The following ZNF775 variants were observed in gnomAD, a reference collection of about 807,000 sequenced individuals.
ZNF775 encodes zinc finger protein 775.
A neutral mutation model predicts 2.4 loss-of-function variants in ZNF775; 1 was observed. The observed-to-expected ratio is 0.41, with a 90% CI of 0.15 to 1.94. ZNF775 has a LOEUF of 1.94. Among genes scored for constraint, ZNF775 ranks in the 30% most tolerant of loss-of-function variants. ZNF775 has a pLI of 0.30. For synonymous variants in ZNF775, 381 were observed against 373.3 expected (o/e 1.02, Z -0.24); for missense variants, 823 against 826.6 (o/e 1.00, Z 0.05).
intron 2 of ZNF775, among the ~76,000 whole-genome samples, chr7:150,395,518 A>G (rs1373996306): frequency 6.6e-6 from 1 of 152,238 alleles, no homozygotes; most frequent in Non-Finnish European, 1.5e-5. Flanking sequence ...AATGGAGAAC[A>G]TTGCCAGAAC....
intron 1 of ZNF775, among the ~76,000 whole-genome samples, chr7:150,387,978 G>A (rs1037919891): frequency 6.6e-6 from 1 of 152,174 alleles, no homozygotes; most frequent in Non-Finnish European, 1.5e-5. Flanking sequence ...CGGAGGAAAC[G>A]TGTAGGGCCA....
At position 150,396,700 on chromosome 7, in the gene ZNF775, G is replaced by C. The variant is rs1354911842; in HGVS notation, c.219G>C (p.Arg73Ser). The C allele has an allele frequency of 1.9e-6, 3 of 1,604,758 alleles. No homozygotes were observed. The South Asian group carries it at 3.3e-5, about 18-fold the overall frequency. The change falls in exon 3 of 3, where the codon AGG becomes AGC. Residue 73 changes from arginine (R) to serine (S), a missense_variant. Arg to Ser is a moderately radical substitution (Grantham distance 110). Transcript: ENST00000329630. Reference sequence around the variant, plus strand: ...GACAGGAGGAGTCTGGGAGTCCAAGGTGGGCCCCTCCCACTGAGCAGGATG... The same window carrying C: ...GACAGGAGGAGTCTGGGAGTCCAAGCTGGGCCCCTCCCACTGAGCAGGATG... Reference protein sequence around the residue: ...LGGQEESGSPRWAPPTEQDAG... With the variant: ...LGGQEESGSPSWAPPTEQDAG...
chr7:150,386,961 TAGAG>T (rs763674397), intron 1 of ZNF775, among the ~76,000 whole-genome samples: 1 of 151,954 alleles, frequency 6.6e-6, no homozygotes, highest in Non-Finnish European at 1.5e-5. Context: ...GCAAAAATGT[TAGAG>T]AGGAAACGGG....
Position 150,382,319 on chromosome 7 carries a change from G to A in ZNF775, c.-50+2927G>A, listed in dbSNP as rs1458006579. On this transcript the variant is annotated intron_variant, in intron 1 of 2. Transcript: ENST00000329630. The surrounding 1 kb of genome is among the most constrained non-coding windows in gnomAD (Gnocchi z 4.6). ...ATCCGGCTCAGGCTTGCCGCCCTGT[G>A]GTGCTCCTCCCAAACTCAGGGAGCA... is the stretch of plus-strand genomic sequence containing the variant. Among the ~76,000 whole-genome samples the A allele has an allele frequency of 6.6e-6, 1 of 152,158 alleles. No individual in the cohort carries two copies. Among genetic ancestry groups the A allele is most frequent in the Non-Finnish European group, 1.5e-5 (1 of 68,000 alleles).
At chr7:150,395,599 G>C (rs934620008) in intron 2 of ZNF775, among the ~76,000 whole-genome samples, 3 of 152,166 alleles carry the variant, frequency 2.0e-5, no homozygotes, top group South Asian at 2.1e-4. Context: ...TCTAACTCGT[G>C]GGTTCATTTT....
At chr7:150,392,804 G>A (rs1461337324) in intron 2 of ZNF775, among the ~76,000 whole-genome samples, 3 of 152,190 alleles carry the variant, frequency 2.0e-5, no homozygotes, top group Non-Finnish European at 1.5e-5. Flanking sequence ...AAAGTGCTGG[G>A]ATTACAGGCA....
At chr7:150,394,715 C>G (rs1266373489) in intron 2 of ZNF775, among the ~76,000 whole-genome samples, 1 of 148,472 alleles carries the variant, frequency 6.7e-6, no homozygotes, top group East Asian at 2.1e-4. Flanking sequence ...TGATCCTTCC[C>G]TCCAGAAATA....
At chr7:150,391,380 C>T (rs1322843819) in intron 2 of ZNF775, among the ~76,000 whole-genome samples, 4 of 151,950 alleles carry the variant, frequency 2.6e-5, no homozygotes, top group African/African-American at 7.3e-5. Flanking sequence ...TGGTGGTGGG[C>T]GCATGCAATC....
chr7:150,398,128 G>C lies in ZNF775; in HGVS notation c.*33G>C, dbSNP rs1307285567. On this transcript the variant is annotated 3_prime_UTR_variant, in exon 3 of 3. Coordinates refer to ENST00000329630, the MANE Select transcript of ZNF775 (RefSeq NM_173680.4). Reference sequence around the variant, plus strand: ...GACCTCAGCGGACCCGTGGTGGTGCGGGGGATGTTTGCGGGGTGTGTGTGG... The same window carrying C: ...GACCTCAGCGGACCCGTGGTGGTGCCGGGGATGTTTGCGGGGTGTGTGTGG... The C allele has an allele frequency of 1.3e-6, 2 of 1,533,626 alleles. No homozygotes were observed. Among genetic ancestry groups the C allele is most frequent in the Admixed American group, 4.1e-5 (2 of 49,018 alleles).
Position 150,388,425 on chromosome 7 carries a change from G to T in ZNF775, c.-46G>T. Reference sequence around the variant, plus strand: ...CTTCTGCTTCTCTTTCTGACAGATGGCAGGAAAGGGACACAGCCGGCGCTG... The same window carrying T: ...CTTCTGCTTCTCTTTCTGACAGATGTCAGGAAAGGGACACAGCCGGCGCTG... On this transcript the variant is annotated 5_prime_UTR_variant, in exon 2 of 3. Transcript: ENST00000329630. The T allele has an allele frequency of 6.4e-7, 1 of 1,551,116 alleles. No individual in the cohort carries two copies. The highest frequency in any genetic ancestry group is 8.7e-7 in the Non-Finnish European group (1 of 1,146,550).
At chr7:150,385,918 C>T (rs909749321) in intron 1 of ZNF775, among the ~76,000 whole-genome samples, 10 of 151,964 alleles carry the variant, frequency 6.6e-5, no homozygotes, top group South Asian at 2.1e-4. Context: ...CCCCCAGGAC[C>T]TTGGGAAAGA....
rs1800385030 is a variant in ZNF775 at position 150,382,703 on chromosome 7, C to G, written c.-50+3311C>G. The G allele has an allele frequency of 6.6e-6, 1 of 152,442 alleles. No homozygotes were observed. The highest frequency in any genetic ancestry group is 1.9e-4 in the East Asian group (1 of 5,204). 9.4% of individuals were successfully genotyped at this position (152,442 alleles called of 1,614,324 possible). A position where few individuals can be genotyped will look rare whatever the true frequency, so the allele number is the denominator to read the frequency against. ...CTTGCCGGACACAGGCTCATTGTCT[C>G]TAGGGCTTTCTGTCTTGCTGTAACG... On this transcript the variant is annotated intron_variant, in intron 1 of 2. Coordinates refer to ENST00000329630, the MANE Select transcript of ZNF775 (RefSeq NM_173680.4). The surrounding 1 kb of genome is among the most constrained non-coding windows in gnomAD (Gnocchi z 4.6).
chr7:150,384,639 CCT>C lies in ZNF775; in HGVS notation c.-49-3780_-49-3779del, dbSNP rs1381761188. ...AGACTTGGCCTCCCCTCATTCCTGT[CCT>C]CTGTGTTTCCCCCTTTGAATTTCTC... On this transcript the variant is annotated intron_variant, in intron 1 of 2. Coordinates refer to ENST00000329630, the MANE Select transcript of ZNF775 (RefSeq NM_173680.4). This position sits in a 1 kb window ranked among gnomAD's most constrained non-coding sequence, Gnocchi z 4.1. 6.6e-6 allele frequency among the ~76,000 whole-genome samples: 1 copy of C among 152,166 alleles called. No homozygotes were observed. The highest frequency in any genetic ancestry group is 1.5e-5 in the Non-Finnish European group (1 of 68,026).
chr7:150,388,584 C>G (rs193193031), intron 2 of ZNF775, 83 bp downstream of exon 2: 44 of 1,490,234 alleles, frequency 3.0e-5, no homozygotes, highest in African/African-American at 2.8e-5. Context: ...AAGCCAGGCG[C>G]GAGCCAGTGC....
At chr7:150,381,835 T>C (rs567536636) in intron 1 of ZNF775, among the ~76,000 whole-genome samples, 138 of 152,012 alleles carry the variant, frequency 9.1e-4, no homozygotes, top group South Asian at 5.8e-3. Flanking sequence ...TTTGGGAGAC[T>C]GAGGTCTGAA....
rs375346701 is a variant in ZNF775, at chr7:150,397,845, T to G, written c.1364T>G (p.Phe455Cys). The change falls in exon 3 of 3, where the codon TTC becomes TGC. Residue 455 changes from phenylalanine (F) to cysteine (C), a missense_variant. Physicochemically the swap from Phe to Cys is radical, Grantham distance 205. Coordinates refer to ENST00000329630, the MANE Select transcript of ZNF775 (RefSeq NM_173680.4). ...ATCTGCAACGAGTGCGGCAAGAGCT[T>G]CTCGTGGTGGTCGGCGCTCACCATC... is the stretch of plus-strand genomic sequence containing the variant. ...QFICNECGKS[F>C]SWWSALTIHQ... 8.1e-6 allele frequency: 13 copies of G among 1,602,080 alleles called. No homozygotes were observed. The highest frequency in any genetic ancestry group is 1.0e-5 in the Non-Finnish European group (12 of 1,177,856).
At chr7:150,389,929 A>T (rs1485219421) in intron 2 of ZNF775, among the ~76,000 whole-genome samples, 3 of 139,152 alleles carry the variant, frequency 2.2e-5, no homozygotes, top group East Asian at 2.2e-4. Context: ...GTTATGGCAA[A>T]ATATACGCAA....
At chr7:150,381,227 CG>C (rs1800355326) in intron 1 of ZNF775, among the ~76,000 whole-genome samples, 1 of 152,006 alleles carries the variant, frequency 6.6e-6, no homozygotes, top group Non-Finnish European at 1.5e-5. Flanking sequence ...TTCCAGCAAG[CG>C]TGTTTACCTC....
chr7:150,381,828 G>C (rs1231836849), intron 1 of ZNF775, among the ~76,000 whole-genome samples: 1 of 152,084 alleles, frequency 6.6e-6, no homozygotes, highest in Non-Finnish European at 1.5e-5. Flanking sequence ...TGGGGTGTTT[G>C]GGAGACTGAG....
Sources: allele counts gnomAD v4.1 joint callset (sites outside exome capture counted in the v4.1 genomes callset), GRCh38; gene constraint gnomAD v4.1.1; non-coding constraint Gnocchi (gnomAD v3.1); transcripts MANE v1.5; gene names NCBI Gene and HGNC (gene_info 2026-07-23, HGNC 2026-07-21).